The following KIF13A variants were observed in gnomAD, a reference collection of about 807,000 sequenced individuals.
KIF13A encodes the protein kinesin family member 13A.
KIF13A carries 79 observed loss-of-function variants against 212.2 expected under a neutral mutation model. That is an observed-to-expected ratio of 0.37 (90% CI 0.31 to 0.45). The LOEUF is 0.45. KIF13A is among the 20% of genes least tolerant of loss of function. The pLI, the probability that KIF13A is intolerant of heterozygous loss-of-function variation, is 1.00. For missense variants in KIF13A, 1,901 were observed against 2,209.0 expected, an observed-to-expected ratio of 0.86 and a Z score of 2.79; for synonymous variants, 789 against 808.6, an observed-to-expected ratio of 0.98 and a Z score of 0.41.
Position 17,789,158 on chromosome 6 carries a change from G to A in KIF13A, c.3261+714C>T, listed in dbSNP as rs1581926958. ...GGTTTGCTGCTTTGACTATTTGTACGTAACCCCACACTCCATGATATCAGG... is the reference window on the plus strand; with the variant it reads ...GGTTTGCTGCTTTGACTATTTGTACATAACCCCACACTCCATGATATCAGG... On this transcript the variant is annotated intron_variant, in intron 26 of 38. Transcript: ENST00000259711. The surrounding 1 kb of genome is among the most constrained non-coding windows in gnomAD (Gnocchi z 4.8). 6.6e-6 allele frequency among the ~76,000 whole-genome samples: 1 copy of A among 152,168 alleles called. No individual in the cohort carries two copies. The highest frequency in any genetic ancestry group is 2.1e-4 in the South Asian group (1 of 4,834).
intron 23 of KIF13A, among the ~76,000 whole-genome samples, chr6:17,796,189 T>A (rs1762014854): frequency 6.6e-6 from 1 of 151,596 alleles, no homozygotes; most frequent in Non-Finnish European, 1.5e-5. Context: ...TTCTTTTTTT[T>A]TTTTTCTTTC....
chr6:17,881,463 A>G (rs576488988), intron 3 of KIF13A: 178 of 428,358 alleles, frequency 4.2e-4, no homozygotes, highest in African/African-American at 3.5e-3. Context: ...AAAAAAGGCC[A>G]GGCACAGTGG....
intron 25 of KIF13A, among the ~76,000 whole-genome samples, chr6:17,790,263 G>A (rs1761421542): frequency 6.6e-6 from 1 of 152,016 alleles, no homozygotes; most frequent in African/African-American, 2.4e-5. Flanking sequence ...AAATTAGCTG[G>A]ATTTGGTAGT....
chr6:17,933,287 C>A (rs1776165087), intron 2 of KIF13A, among the ~76,000 whole-genome samples: 1 of 152,250 alleles, frequency 6.6e-6, no homozygotes, highest in East Asian at 1.9e-4. Context: ...TGCATACCAA[C>A]TGCATCTTTC....
Position 17,771,872 on chromosome 6 carries a change from T to A in KIF13A, c.4476+36A>T. 1 of 1,604,740 alleles carries A rather than the reference T, an allele frequency of 6.2e-7. No individual in the cohort carries two copies. Among genetic ancestry groups the A allele is most frequent in the Non-Finnish European group, 8.5e-7 (1 of 1,172,722 alleles). On this transcript the variant is annotated intron_variant, in intron 37 of 38. Coordinates refer to ENST00000259711, the MANE Select transcript of KIF13A (RefSeq NM_022113.6). The surrounding 1 kb of genome is among the most constrained non-coding windows in gnomAD (Gnocchi z 5.4). ...TGCTTCACAGGTGACACAACTCTGCTCTATTCTGCATAGTACAGACAAGTC... is the reference window on the plus strand; with the variant it reads ...TGCTTCACAGGTGACACAACTCTGCACTATTCTGCATAGTACAGACAAGTC...
intron 9 of KIF13A, among the ~76,000 whole-genome samples, chr6:17,846,909 C>A (rs142776940): frequency 3.3e-5 from 5 of 152,160 alleles, no homozygotes; most frequent in Non-Finnish European, 7.3e-5. Context: ...GACCAATTGA[C>A]GGCAACCATT....
chr6:17,762,189 G>T (rs1024682306), downstream of KIF13A, among the ~76,000 whole-genome samples: 1 of 151,662 alleles, frequency 6.6e-6, no homozygotes, highest in Non-Finnish European at 1.5e-5. Flanking sequence ...ACAGGTGCAA[G>T]CCACTAAGCC....
chr6:17,771,043 TG>T lies in KIF13A; in HGVS notation c.4581+70del. On this transcript the variant is annotated intron_variant, in intron 38 of 38. Coordinates refer to ENST00000259711, the MANE Select transcript of KIF13A (RefSeq NM_022113.6). This position sits in a 1 kb window ranked among gnomAD's most constrained non-coding sequence, Gnocchi z 5.4. ...ACATGTCTTAATTTCTTCTAGCATT[TG>T]GATGATTGTCTGTGAAAGGGCCTTA... 1.0e-6 allele frequency: 1 copy of T among 953,816 alleles called. No homozygotes were observed. The highest frequency in any genetic ancestry group is 1.6e-6 in the Non-Finnish European group (1 of 606,976). The allele number at this position is 953,816 out of a possible 1,614,324, so 59.1% of individuals were successfully genotyped here. A position where few individuals can be genotyped will look rare whatever the true frequency, so the allele number is the denominator to read the frequency against.
intron 2 of KIF13A, among the ~76,000 whole-genome samples, chr6:17,957,588 G>C (rs1561804325): frequency 6.6e-6 from 1 of 152,214 alleles, no homozygotes; most frequent in African/African-American, 2.4e-5. Flanking sequence ...GCCCAGACTT[G>C]TGACTGATGT....
intron 17 of KIF13A, among the ~76,000 whole-genome samples, chr6:17,813,346 G>C (rs1005073830): frequency 1.1e-4 from 17 of 152,222 alleles, no homozygotes; most frequent in African/African-American, 4.1e-4. Context: ...CAGGTATTGT[G>C]GTGGGCACTT....
intron 2 of KIF13A, among the ~76,000 whole-genome samples, chr6:17,969,852 AATTT>A (rs1282067284): frequency 1.2e-4 from 18 of 152,190 alleles, no homozygotes; most frequent in Admixed American, 8.5e-4. Context: ...GTTTCCTTTG[AATTT>A]ATTATTTTCT....
intron 2 of KIF13A, among the ~76,000 whole-genome samples, chr6:17,920,553 A>G (rs1774966381): frequency 6.6e-6 from 1 of 152,176 alleles, no homozygotes; most frequent in Admixed American, 6.5e-5. Flanking sequence ...AATTTACAAA[A>G]CTACCTATTC....
At chr6:17,972,851 AAAAC>A (rs1213793226) in intron 2 of KIF13A, among the ~76,000 whole-genome samples, 3 of 151,964 alleles carry the variant, frequency 2.0e-5, no homozygotes, top group Non-Finnish European at 2.9e-5. Context: ...AAAAAAAAAA[AAAAC>A]AAGGCTCCAA....
intron 12 of KIF13A, among the ~76,000 whole-genome samples, chr6:17,832,212 T>C (rs1175615401): frequency 1.8e-4 from 27 of 152,188 alleles, no homozygotes; most frequent in Non-Finnish European, 2.9e-5. Context: ...TCGTGAAATA[T>C]ATAATGTAGA....
At chr6:17,939,912 C>T (rs1406420261) in intron 2 of KIF13A, among the ~76,000 whole-genome samples, 2 of 151,808 alleles carry the variant, frequency 1.3e-5, no homozygotes, top group East Asian at 3.9e-4. Flanking sequence ...TGGTGGCGGG[C>T]GCCTATAGTG....
intron 2 of KIF13A, among the ~76,000 whole-genome samples, chr6:17,976,591 G>GA (rs1780522753): frequency 6.6e-6 from 1 of 152,166 alleles, no homozygotes; most frequent in African/African-American, 2.4e-5. Context: ...CCTGCAAGCT[G>GA]AGGGAGCCGG....
At chr6:17,920,259 A>G (rs905816049) in intron 2 of KIF13A, among the ~76,000 whole-genome samples, 6 of 152,192 alleles carry the variant, frequency 3.9e-5, no homozygotes, top group Non-Finnish European at 5.9e-5. Flanking sequence ...AAAAAAAAAT[A>G]CAAGGTAAAT....
At chr6:17,975,156 C>T (rs2150620288) in intron 2 of KIF13A, among the ~76,000 whole-genome samples, 1 of 151,970 alleles carries the variant, frequency 6.6e-6, no homozygotes, top group Admixed American at 6.5e-5. Flanking sequence ...CCAGCCTGGC[C>T]AACATAGTGA....
At chr6:17,827,136 C>G (rs948031361) in intron 14 of KIF13A, among the ~76,000 whole-genome samples, 2 of 151,888 alleles carry the variant, frequency 1.3e-5, no homozygotes, top group East Asian at 3.9e-4. Context: ...CTCTGGTTGT[C>G]CAGGCTGGAG....
Sources: gnomAD v4.1 joint callset for allele counts (sites outside exome capture counted in the v4.1 genomes callset) on GRCh38, gnomAD v4.1.1 for gene constraint, Gnocchi (gnomAD v3.1) non-coding constraint, MANE v1.5 for transcripts, NCBI Gene and HGNC (gene_info 2026-07-23, HGNC 2026-07-21) for gene names.